FASTKD1: variants seen among roughly 807,000 people sequenced by gnomAD.
FASTKD1 encodes FAST kinase domain-containing protein 1, mitochondrial.
Under a neutral mutation model 90.9 loss-of-function variants are expected in FASTKD1, and 94 were observed. That is an observed-to-expected ratio of 1.03 (90% CI 0.88 to 1.23). FASTKD1 has a LOEUF of 1.23. FASTKD1 is among the 50% of genes most tolerant of loss of function. FASTKD1 has a pLI of 0.00. For synonymous variants in FASTKD1, 319 were observed against 345.8 expected (o/e 0.92, Z 0.86); for missense variants, 945 against 993.5 (o/e 0.95, Z 0.66).
In FASTKD1 at chr2:169,529,123, A is replaced by G. The variant is rs1465211934; in HGVS notation, c.*702T>C. Among the ~76,000 whole-genome samples the G allele has an allele frequency of 1.3e-5, 2 of 152,156 alleles. No homozygotes were observed. Among genetic ancestry groups the G allele is most frequent in the Non-Finnish European group, 2.9e-5 (2 of 68,036 alleles). On this transcript the variant is annotated 3_prime_UTR_variant, in exon 15 of 15. Transcript: ENST00000453153. ...ATTTACTGAATTCTCTATTTGATATATCCACTTAGATGTTTAAAAGACATC... is the reference window on the plus strand; with the variant it reads ...ATTTACTGAATTCTCTATTTGATATGTCCACTTAGATGTTTAAAAGACATC...
chr2:169,537,164 G>T, intron 12 of FASTKD1, 63 bp downstream of exon 12: 1 of 976,362 alleles, frequency 1.0e-6, no homozygotes, highest in Non-Finnish European at 1.6e-6. Context: ...CAACTGATAA[G>T]ATGATTCTAT....
At chr2:169,551,992 TG>T in intron 7 of FASTKD1, among the ~76,000 whole-genome samples, 1 of 152,312 alleles carries the variant, frequency 6.6e-6, no homozygotes, top group African/African-American at 2.4e-5. Context: ...ATGAAAACTC[TG>T]GGTTCTTTGA....
chr2:169,564,018 G>A (rs1683839526), intron 3 of FASTKD1, among the ~76,000 whole-genome samples: 1 of 152,044 alleles, frequency 6.6e-6, no homozygotes, highest in South Asian at 2.1e-4. Flanking sequence ...TTGGGTGAGA[G>A]GACTAGAAGA....
chr2:169,535,540 GCTATC>G (rs990817796), intron 12 of FASTKD1, among the ~76,000 whole-genome samples: 1 of 152,040 alleles, frequency 6.6e-6, no homozygotes, highest in Admixed American at 6.6e-5. Flanking sequence ...CTGAGCTCAA[GCTATC>G]CTTCCACCTC....
rs1683548643 is a variant in FASTKD1, at chr2:169,560,674, G to T, written c.684C>A (p.Val228=). The change falls in exon 5 of 15, where the codon GTC becomes GTA. Residue 228 remains valine, a synonymous_variant. Transcript: ENST00000453153. ...ACTTTGCTATGCTTTTTGCAACGTTGACCTCAGAAGAATCTATGGTGTCAA... is the reference window on the plus strand; with the variant it reads ...ACTTTGCTATGCTTTTTGCAACGTTTACCTCAGAAGAATCTATGGTGTCAA... ...LLFDTIDSSE[V]NVAKSIAKFL... The T allele has an allele frequency of 1.2e-6, 2 of 1,612,022 alleles. No individual in the cohort carries two copies. Among genetic ancestry groups the T allele is most frequent in the Non-Finnish European group, 1.7e-6 (2 of 1,179,472 alleles).
intron 7 of FASTKD1, among the ~76,000 whole-genome samples, chr2:169,550,602 C>A (rs2105375687): frequency 6.6e-6 from 1 of 152,238 alleles, no homozygotes; most frequent in East Asian, 1.9e-4. Context: ...CCTCAGCCTC[C>A]TGAGTAGCTA....
At chr2:169,549,193 G>A (rs934187562) in intron 7 of FASTKD1, among the ~76,000 whole-genome samples, 1 of 152,242 alleles carries the variant, frequency 6.6e-6, no homozygotes, top group African/African-American at 2.4e-5. Context: ...TCGGGAGTTC[G>A]AGACCAGCCT....
In FASTKD1 at chr2:169,546,722, A is replaced by G; in HGVS notation, c.1215-18T>C. On this transcript the variant is annotated intron_variant, in intron 7 of 14. Transcript: ENST00000453153. ...TCAAATAACTGCAAAATGAAAAATG[A>G]AAAGAATACATCAGCAACAAACCCA... is the stretch of plus-strand genomic sequence containing the variant. 6.3e-7 allele frequency: 1 copy of G among 1,587,924 alleles called. No individual in the cohort carries two copies. The highest frequency in any genetic ancestry group is 8.6e-7 in the Non-Finnish European group (1 of 1,167,512).
chr2:169,537,030 C>A, intron 12 of FASTKD1, 197 bp downstream of exon 12: 3 of 282,102 alleles, frequency 1.1e-5, no homozygotes, highest in Middle Eastern at 1.2e-3. Flanking sequence ...ATAGAAAACG[C>A]TCTTGGTTAT....
At chr2:169,550,340 A>AAAAC (rs1229890560) in intron 7 of FASTKD1, among the ~76,000 whole-genome samples, 2 of 152,084 alleles carry the variant, frequency 1.3e-5, no homozygotes, top group Non-Finnish European at 2.9e-5. Context: ...AAAATGGCCA[A>AAAAC]AAACAAACAA....
At chr2:169,557,098 G>A in intron 6 of FASTKD1, 89 bp downstream of exon 6, 1 of 807,012 alleles carries the variant, frequency 1.2e-6, no homozygotes, top group Non-Finnish European at 2.2e-6. Context: ...ACAACTGGTA[G>A]ATTAAAGAAG....
intron 1 of FASTKD1, chr2:169,573,076 T>G (rs752916280): frequency 6.6e-6 from 1 of 152,218 alleles, no homozygotes; most frequent in Non-Finnish European, 1.5e-5. Context: ...CTAGTACTAG[T>G]GAAGCAGGGA....
At chr2:169,550,535 G>A (rs1363194218) in intron 7 of FASTKD1, among the ~76,000 whole-genome samples, 1 of 151,674 alleles carries the variant, frequency 6.6e-6, no homozygotes, top group African/African-American at 2.4e-5. Flanking sequence ...CTGGAGTGCT[G>A]TGGCATGATC....
rs1685109211 is a variant in FASTKD1, at chr2:169,544,729, G to A, written c.1808C>T (p.Ser603Phe). Reference protein sequence around the residue: ...FLGTCVQHLNSYLGILDPFIL... With the variant: ...FLGTCVQHLNFYLGILDPFIL... ...CCAAACAATATACCTACCTAAGTAA[G>A]AATTAAGATGTTGCACGCAAGTTCC... is the stretch of plus-strand genomic sequence containing the variant. Residue 603 changes from serine to phenylalanine, a missense_variant, in exon 9 of 15, where the codon TCT becomes TTT. Coordinates refer to ENST00000453153, the MANE Select transcript of FASTKD1 (RefSeq NM_024622.6). The A allele has an allele frequency of 1.3e-6, 2 of 1,573,626 alleles. No homozygotes were observed. Among genetic ancestry groups the A allele is most frequent in the East Asian group, 2.2e-5 (1 of 44,650 alleles).
At chr2:169,552,592 A>G (rs1396681926) in intron 7 of FASTKD1, among the ~76,000 whole-genome samples, 2 of 152,200 alleles carry the variant, frequency 1.3e-5, no homozygotes, top group Non-Finnish European at 2.9e-5. Context: ...ATGTCTTTTC[A>G]GCAACTTGGG....
chr2:169,551,231 T>C (rs1685475902), intron 7 of FASTKD1, among the ~76,000 whole-genome samples: 2 of 152,246 alleles, frequency 1.3e-5, no homozygotes, highest in Admixed American at 1.3e-4. Context: ...TTCAGCAGCA[T>C]CTACTGAAGA....
chr2:169,570,352 ATT>A (rs1421782409), intron 2 of FASTKD1, among the ~76,000 whole-genome samples: 1 of 151,290 alleles, frequency 6.6e-6, no homozygotes, highest in South Asian at 2.1e-4. Context: ...TGCTCTCTTC[ATT>A]TTTTCTTCAC....
chr2:169,554,599 G>C (rs544380872), intron 7 of FASTKD1, among the ~76,000 whole-genome samples: 1 of 119,366 alleles, frequency 8.4e-6, no homozygotes, highest in South Asian at 2.5e-4. Flanking sequence ...GGGAGGCGGA[G>C]GTTGCAGTGA....
At position 169,530,707 on chromosome 2, in the gene FASTKD1, T is replaced by C; in HGVS notation, c.2328-6A>G. 1 of 1,475,348 alleles carries C rather than the reference T, an allele frequency of 6.8e-7. No individual in the cohort carries two copies. Among genetic ancestry groups the C allele is most frequent in the Non-Finnish European group, 9.3e-7 (1 of 1,075,930 alleles). The allele number at this position is 1,475,348 out of a possible 1,614,324, so 91.4% of individuals were successfully genotyped here. On this transcript the variant is annotated splice_polypyrimidine_tract_variant and splice_region_variant and intron_variant, in intron 13 of 14. Coordinates refer to ENST00000453153, the MANE Select transcript of FASTKD1 (RefSeq NM_024622.6). ...CCAAAAATTCCAAAGCAATCCTACA[T>C]AAAATAAAAAAATATTTACTCCTAA...
Sources: allele counts gnomAD v4.1 joint callset (sites outside exome capture counted in the v4.1 genomes callset), GRCh38; gene constraint gnomAD v4.1.1; transcripts MANE v1.5; gene names NCBI Gene and HGNC (gene_info 2026-07-23, HGNC 2026-07-21).